Variants in SMYD2 observed in about 807,000 individuals in gnomAD.
The protein encoded by SMYD2 is SET and MYND domain containing 2.
A neutral mutation model predicts 59.1 loss-of-function variants in SMYD2; 53 were observed. That is an observed-to-expected ratio of 0.90 (90% CI 0.72 to 1.13). SMYD2 has a LOEUF of 1.13. Ranked by LOEUF, SMYD2 falls within the 50% of genes most tolerant of loss-of-function variation. The pLI is 0.00. For missense variants in SMYD2, 494 were observed against 544.7 expected, an observed-to-expected ratio of 0.91 and a Z score of 0.93; for synonymous variants, 208 against 198.8, an observed-to-expected ratio of 1.05 and a Z score of -0.39.
chr1:214,326,163 G>A (rs990870981), intron 6 of SMYD2, among the ~76,000 whole-genome samples: 7 of 151,310 alleles, frequency 4.6e-5, no homozygotes, highest in South Asian at 2.1e-4. Flanking sequence ...ACTTGAACCC[G>A]GGAGGTGGAG....
intron 1 of SMYD2, among the ~76,000 whole-genome samples, chr1:214,304,460 G>T (rs1656883299): frequency 6.7e-6 from 1 of 149,364 alleles, no homozygotes; most frequent in Non-Finnish European, 1.5e-5. Flanking sequence ...CTTGGGAGCT[G>T]ATGTGGGAGA....
intron 1 of SMYD2, among the ~76,000 whole-genome samples, chr1:214,303,329 C>T (rs540646602): frequency 3.3e-5 from 5 of 152,284 alleles, no homozygotes; most frequent in Admixed American, 1.3e-4. Context: ...CATCACGCAG[C>T]GCTTGCTGAC....
chr1:214,299,465 T>TTATATATA lies in SMYD2; in HGVS notation c.174-5711_174-5704dup, dbSNP rs756823866. Among the ~76,000 whole-genome samples the TTATATATA allele has an allele frequency of 5.3e-4, 38 of 71,606 alleles. 1 individual carries two copies. The highest frequency in any genetic ancestry group is 1.9e-3 in the African/African-American group (25 of 13,484). 47.0% of individuals were successfully genotyped at this position (71,606 alleles called of 152,430 possible). ...AACAGTGAACTGGATAAAGAAAACA[T>TTATATATA]TATATATATATATATATACACCATA... On this transcript the variant is annotated intron_variant, in intron 1 of 11. Transcript: ENST00000366957.
At chr1:214,334,692 TTTGCTGTTTC>T (rs1657409285) in intron 11 of SMYD2, among the ~76,000 whole-genome samples, 1 of 152,186 alleles carries the variant, frequency 6.6e-6, no homozygotes, top group Admixed American at 6.5e-5. Flanking sequence ...GAATTGCGCA[TTTGCTGTTTC>T]TAAAATGCAC....
chr1:214,331,004 A>G lies in SMYD2; in HGVS notation c.871A>G (p.Ile291Val), dbSNP rs541184854. 2 of 1,614,244 alleles carry G rather than the reference A, an allele frequency of 1.2e-6. No homozygotes were observed. Among genetic ancestry groups the G allele is most frequent in the Non-Finnish European group, 1.7e-6 (2 of 1,180,048 alleles). The change falls in exon 9 of 12, where the codon ATC becomes GTC. Residue 291 changes from isoleucine (I) to valine (V), a missense_variant. Ile to Val is a conservative substitution (Grantham distance 29, BLOSUM62 3). Coordinates refer to ENST00000366957, the MANE Select transcript of SMYD2 (RefSeq NM_020197.3). ...CAGCGATCCCCCAAAGGCAGAAGCC[A>G]TCCGAGACATGGTCAGATATGCACG... ...KLSDPPKAEA[I>V]RDMVRYARNV...
chr1:214,334,419 C>G, intron 11 of SMYD2, 111 bp downstream of exon 11: 1 of 960,430 alleles, frequency 1.0e-6, no homozygotes, highest in Admixed American at 2.0e-5. Flanking sequence ...GTGAGCAGCT[C>G]TCACCCACCC....
intron 6 of SMYD2, among the ~76,000 whole-genome samples, chr1:214,325,207 A>G (rs1011303895): frequency 1.3e-5 from 2 of 152,256 alleles, no homozygotes; most frequent in African/African-American, 2.4e-5. Flanking sequence ...AAAAATTTCA[A>G]AGAACTGTAG....
intron 1 of SMYD2, among the ~76,000 whole-genome samples, chr1:214,298,320 A>G (rs1001412524): frequency 1.3e-5 from 2 of 152,248 alleles, no homozygotes; most frequent in Admixed American, 1.3e-4. Context: ...TCCCTATTCA[A>G]TAAATGGTGC....
At chr1:214,316,556 C>T (rs781446016) in intron 3 of SMYD2, among the ~76,000 whole-genome samples, 12 of 151,788 alleles carry the variant, frequency 7.9e-5, no homozygotes, top group Non-Finnish European at 1.3e-4. Flanking sequence ...AGCCCTCCTC[C>T]ACCCTTAAAA....
chr1:214,323,559 G>C (rs1442446661), intron 5 of SMYD2, among the ~76,000 whole-genome samples: 1 of 152,066 alleles, frequency 6.6e-6, no homozygotes, highest in Non-Finnish European at 1.5e-5. Context: ...AGCCTCCCGA[G>C]TAGATGGAAC....
At chr1:214,299,482 T>TATATAC (rs751839365) in intron 1 of SMYD2, among the ~76,000 whole-genome samples, 29 of 45,900 alleles carry the variant, frequency 6.3e-4, no homozygotes, top group Non-Finnish European at 9.0e-4. Context: ...TATATATATA[T>TATATAC]ACACCATAGA....
chr1:214,284,443 A>G (rs1298807213), intron 1 of SMYD2, among the ~76,000 whole-genome samples: 2 of 151,768 alleles, frequency 1.3e-5, no homozygotes, highest in African/African-American at 4.8e-5. Context: ...TATTTTTAGT[A>G]GAGACAGGGT....
At chr1:214,292,421 C>A (rs1571919779) in intron 1 of SMYD2, among the ~76,000 whole-genome samples, 1 of 152,174 alleles carries the variant, frequency 6.6e-6, no homozygotes, top group East Asian at 1.9e-4. Context: ...TTTCTGCAGT[C>A]TGGATTAGTT....
Position 214,330,955 on chromosome 1 carries a change from G to A in SMYD2, c.822G>A (p.Lys274=). 1 of 1,614,154 alleles carries A rather than the reference G, an allele frequency of 6.2e-7. No homozygotes were observed. The highest frequency in any genetic ancestry group is 1.1e-5 in the South Asian group (1 of 91,084). Reference sequence around the variant, plus strand: ...CTTGTGGACGTTTCCTTCAGGATAAGGCCAAGGTGGAAATCCGGAAGCTCA... The same window carrying A: ...CTTGTGGACGTTTCCTTCAGGATAAAGCCAAGGTGGAAATCCGGAAGCTCA... ...CQECTTKDKD[K]AKVEIRKLSD... is the part of the protein sequence containing the mutation. The change falls in exon 9 of 12, where the codon AAG becomes AAA. Residue 274 remains lysine (K), a synonymous_variant. Transcript: ENST00000366957.
chr1:214,299,131 A>G (rs773623778), intron 1 of SMYD2, among the ~76,000 whole-genome samples: 29 of 152,238 alleles, frequency 1.9e-4, no homozygotes, highest in Admixed American at 4.6e-4. Context: ...CTGCACTCCA[A>G]CCTGGGCAAC....
At chr1:214,306,112 T>C (rs998286528) in intron 2 of SMYD2, among the ~76,000 whole-genome samples, 2 of 152,140 alleles carry the variant, frequency 1.3e-5, no homozygotes, top group African/African-American at 4.8e-5. Flanking sequence ...TTAATACACC[T>C]TGAGAAATGG....
At position 214,315,428 on chromosome 1, in the gene SMYD2, A is replaced by G. The variant is rs144991735; in HGVS notation, c.348+556A>G. Among the ~76,000 whole-genome samples, 56 of 152,336 alleles carry G rather than the reference A, an allele frequency of 3.7e-4. 1 individual carries two copies. In the East Asian group the frequency reaches 0.01, roughly 27 times the overall value. On this transcript the variant is annotated intron_variant, in intron 3 of 11. Coordinates refer to ENST00000366957, the MANE Select transcript of SMYD2 (RefSeq NM_020197.3). ...GGAGAGGGGAAGAGAGTTAAAAAAAAAAAGTGAAGAAGAAGGAAAGAAAGA... is the reference window on the plus strand; with the variant it reads ...GGAGAGGGGAAGAGAGTTAAAAAAAGAAAGTGAAGAAGAAGGAAAGAAAGA...
intron 11 of SMYD2, among the ~76,000 whole-genome samples, chr1:214,335,806 T>C (rs1657426524): frequency 6.6e-6 from 1 of 152,196 alleles, no homozygotes; most frequent in Non-Finnish European, 1.5e-5. Context: ...ATTAAACCAC[T>C]GGAAACTTGA....
intron 1 of SMYD2, among the ~76,000 whole-genome samples, chr1:214,289,051 C>T (rs1280415291): frequency 6.6e-6 from 1 of 151,692 alleles, no homozygotes; most frequent in Non-Finnish European, 1.5e-5. Context: ...GGAGGCAGCC[C>T]CTGGTTGGTA....
Sources: allele counts gnomAD v4.1 joint callset (sites outside exome capture counted in the v4.1 genomes callset), GRCh38; gene constraint gnomAD v4.1.1; transcripts MANE v1.5; gene names NCBI Gene and HGNC (gene_info 2026-07-23, HGNC 2026-07-21).